Variants in SREK1 observed in about 807,000 individuals in gnomAD.
SREK1 encodes splicing regulatory glutamic acid and lysine rich protein 1, also known as splicing regulatory glutamine/lysine-rich protein 1.
Under a neutral mutation model 66.5 loss-of-function variants are expected in SREK1, and 13 were observed. That is an observed-to-expected ratio of 0.20 (90% CI 0.13 to 0.31). The LOEUF is 0.31. SREK1 is among the 10% of genes least tolerant of loss of function. The probability of loss-of-function intolerance (pLI) is 1.00; values close to 1 mark genes in which losing one functional copy is unlikely to be tolerated. For missense variants in SREK1, 607 were observed against 769.6 expected (o/e 0.79, Z 2.50); for synonymous variants, 265 against 263.5 (o/e 1.01, Z -0.05).
At chr5:66,145,171 T>C in intron 1 of SREK1, 1 of 985,422 alleles carries the variant, frequency 1.0e-6, no homozygotes, top group Non-Finnish European at 1.2e-6. Flanking sequence ...GTCCCAAAGC[T>C]TTCAGAAAAA....
chr5:66,175,877 T>G (rs998023799), intron 10 of SREK1, among the ~76,000 whole-genome samples: 1 of 152,192 alleles, frequency 6.6e-6, no homozygotes, highest in African/African-American at 2.4e-5. Context: ...AATAACATTC[T>G]CAGTTTGCTG....
At position 66,163,633 on chromosome 5, in the gene SREK1, T is replaced by A. The variant is rs991537406; in HGVS notation, c.756-159T>A. On this transcript the variant is annotated intron_variant, in intron 5 of 11. Coordinates refer to ENST00000334121, the MANE Select transcript of SREK1 (RefSeq NM_001077199.3). ...ATGATAGGAAGTGGGGATGAGAGAT[T>A]AATCATGGTTTTGAGGTTGCTTTTG... 1.5e-5 allele frequency: 9 copies of A among 616,884 alleles called. No individual in the cohort carries two copies. The African/African-American group carries it at 1.7e-4, about 12-fold the overall frequency. The allele number at this position is 616,884 out of a possible 1,614,324, so 38.2% of individuals were successfully genotyped here. A position where few individuals can be genotyped will look rare whatever the true frequency, so the allele number is the denominator to read the frequency against.
At chr5:66,162,392 A>T (rs1744846927) in intron 4 of SREK1, 22 bp from the exon 5 acceptor site, 1 of 1,611,126 alleles carries the variant, frequency 6.2e-7, no homozygotes, top group East Asian at 2.2e-5. Context: ...TATTTTATCA[A>T]AGTGTCACTT....
At chr5:66,148,335 C>T (rs27587) in intron 1 of SREK1, among the ~76,000 whole-genome samples, 48,417 of 150,438 alleles carry the variant, frequency 0.32, 9,237 homozygotes, top group African/African-American at 0.51. Flanking sequence ...TGATAAAATA[C>T]TGGACATATT....
At chr5:66,145,576 T>G (rs577669343) in intron 1 of SREK1, among the ~76,000 whole-genome samples, 1 of 152,192 alleles carries the variant, frequency 6.6e-6, no homozygotes, top group South Asian at 2.1e-4. Context: ...ATATAAAAGT[T>G]GTGTGGATAT....
intron 2 of SREK1, chr5:66,157,917 T>G (rs990186850): frequency 3.3e-4 from 60 of 182,104 alleles, no homozygotes; most frequent in Non-Finnish European, 9.4e-5. Flanking sequence ...CACATGTGGT[T>G]GTTTTAAATA....
rs913210982 is a variant in SREK1, at chr5:66,144,334, C to G, written c.-43C>G. Reference sequence around the variant, plus strand: ...TTTCCCGGCTCCGTCGCTGACGCGTCGTAGACGTTGGGGAGCGGGAAGGCA... The same window carrying G: ...TTTCCCGGCTCCGTCGCTGACGCGTGGTAGACGTTGGGGAGCGGGAAGGCA... On this transcript the variant is annotated 5_prime_UTR_variant, in exon 1 of 12. Transcript: ENST00000334121. 2.3e-5 allele frequency: 34 copies of G among 1,459,898 alleles called. No individual in the cohort carries two copies. The highest frequency in any genetic ancestry group is 3.0e-5 in the Non-Finnish European group (32 of 1,078,760). The allele number at this position is 1,459,898 out of a possible 1,614,324, so 90.4% of individuals were successfully genotyped here.
intron 3 of SREK1, among the ~76,000 whole-genome samples, chr5:66,159,999 G>A (rs1014422011): frequency 4.6e-5 from 7 of 152,068 alleles, no homozygotes; most frequent in African/African-American, 1.4e-4. Flanking sequence ...GCGTGGTGGC[G>A]GGTGCCCGTA....
chr5:66,144,413 T>C lies in SREK1; in HGVS notation c.37T>C (p.Phe13Leu). Residue 13 changes from phenylalanine to leucine, a missense_variant, in exon 1 of 12, where the codon TTC becomes CTC. This residue lies in a region of SREK1 where 75 missense variants were observed against 72.9 expected (regional missense o/e 1.03). Transcript: ENST00000334121. ...SGGGFGLGLG[F>L]GLTPTSVIQV... ...CGGCGGCTTCGGTTTGGGCTTAGGC[T>C]TCGGCCTCACCCCCACGTCGGTGAT... 6.4e-7 allele frequency: 1 copy of C among 1,551,392 alleles called. No individual in the cohort carries two copies. The highest frequency in any genetic ancestry group is 1.2e-5 in the South Asian group (1 of 84,050).
At chr5:66,144,747 CT>C (rs1426025287) in intron 1 of SREK1, 5 of 1,264,450 alleles carry the variant, frequency 4.0e-6, no homozygotes, top group Non-Finnish European at 5.1e-6. Flanking sequence ...GCACGGAGCC[CT>C]TACCAAGGAT....
At chr5:66,158,243 T>G (rs1744455002) in intron 2 of SREK1, 1 of 152,038 alleles carries the variant, frequency 6.6e-6, no homozygotes, top group Non-Finnish European at 1.5e-5. Context: ...AAGTTTTTCA[T>G]TTTTTTAGGT....
chr5:66,156,168 A>G, intron 2 of SREK1: 5 of 1,373,280 alleles, frequency 3.6e-6, no homozygotes, highest in Non-Finnish European at 4.7e-6. Flanking sequence ...TGGGGAAATG[A>G]GATCGGAGTC....
chr5:66,173,806 G>A (rs936670111), intron 9 of SREK1, among the ~76,000 whole-genome samples: 1 of 152,194 alleles, frequency 6.6e-6, no homozygotes, highest in Admixed American at 6.5e-5. Flanking sequence ...GAGCTGTTAA[G>A]AGAATGTCAT....
intron 2 of SREK1, chr5:66,156,254 G>A: frequency 7.7e-7 from 1 of 1,304,032 alleles, no homozygotes; most frequent in Non-Finnish European, 9.7e-7. Flanking sequence ...TCTTTATTTT[G>A]TCCCTTTTTT....
At chr5:66,149,898 G>A (rs1248347372) in intron 1 of SREK1, among the ~76,000 whole-genome samples, 1 of 152,228 alleles carries the variant, frequency 6.6e-6, no homozygotes, top group Non-Finnish European at 1.5e-5. Context: ...GGCCTCATGG[G>A]AACTAGTACT....
chr5:66,156,564 G>A lies in SREK1; in HGVS notation c.296-2655G>A, dbSNP rs149455396. 9.2e-4 allele frequency: 902 copies of A among 985,594 alleles called. 1 individual carries two copies. The highest frequency in any genetic ancestry group is 1.6e-3 in the Middle Eastern group (3 of 1,914). 61.1% of individuals were successfully genotyped at this position (985,594 alleles called of 1,614,324 possible). On this transcript the variant is annotated intron_variant, in intron 2 of 11. Coordinates refer to ENST00000334121, the MANE Select transcript of SREK1 (RefSeq NM_001077199.3). ...CTCAGGAACACTTTCTGATCTCAGC[G>A]CAACATTTTTCTAGTTTTTTTCCCC...
At chr5:66,172,848 T>TA (rs1745754363) in intron 9 of SREK1, among the ~76,000 whole-genome samples, 1 of 150,090 alleles carries the variant, frequency 6.7e-6, no homozygotes, top group East Asian at 1.9e-4. Flanking sequence ...TTTTTTTTTT[T>TA]TAGACAGAGT....
rs1469677768 is a variant in SREK1 at position 66,162,528 on chromosome 5, G to A, written c.691G>A (p.Asp231Asn). 2 of 1,614,000 alleles carry A rather than the reference G, an allele frequency of 1.2e-6. No individual in the cohort carries two copies. Among genetic ancestry groups the A allele is most frequent in the Non-Finnish European group, 1.7e-6 (2 of 1,179,992 alleles). Residue 231 changes from aspartate to asparagine, a missense_variant, in exon 5 of 12, where the codon GAC becomes AAC. Coordinates refer to ENST00000334121, the MANE Select transcript of SREK1 (RefSeq NM_001077199.3). ...TCGGTTTGCTTTTGTGGAATTTGCA[G>A]ACCAAAATTCTGTACCAAGGGCCCT... The part of the protein sequence containing the change: ...PTRFAFVEFA[D>N]QNSVPRALAF...
In SREK1 at chr5:66,180,330, A is replaced by G. The variant is rs537612262; in HGVS notation, c.*1462A>G. 4 of 152,736 alleles carry G rather than the reference A, an allele frequency of 2.6e-5. No individual in the cohort carries two copies. The South Asian group carries it at 8.3e-4, about 32-fold the overall frequency. The allele number at this position is 152,736 out of a possible 1,614,324, so 9.5% of individuals were successfully genotyped here. A position where few individuals can be genotyped will look rare whatever the true frequency, so the allele number is the denominator to read the frequency against. ...AAAAGTAATACCTTTTAATTAGTGT[A>G]TTAAAAGTTAAGTATAATTATTTTA... is the stretch of plus-strand genomic sequence containing the variant. On this transcript the variant is annotated 3_prime_UTR_variant, in exon 12 of 12. Coordinates refer to ENST00000334121, the MANE Select transcript of SREK1 (RefSeq NM_001077199.3).
Sources: allele counts gnomAD v4.1 joint callset (sites outside exome capture counted in the v4.1 genomes callset), GRCh38; gene constraint gnomAD v4.1.1; regional missense constraint gnomAD v4.1.1; transcripts MANE v1.5; gene names NCBI Gene and HGNC (gene_info 2026-07-23, HGNC 2026-07-21).